The following LRRC37A2 variants were observed in gnomAD, a reference collection of about 807,000 sequenced individuals.
LRRC37A2 encodes leucine rich repeat containing 37 member A2.
In LRRC37A2, 9 loss-of-function variants were observed where a neutral mutation model predicts 68.8. The ratio of observed to expected loss-of-function variants is 0.13; its 90% CI spans 0.08 to 0.23. LRRC37A2 has a LOEUF of 0.23. Ranked by LOEUF, LRRC37A2 falls within the 10% of genes least tolerant of loss-of-function variation. LRRC37A2 has a pLI of 1.00. For synonymous variants in LRRC37A2, 63 were observed against 367.6 expected (o/e 0.17, Z 9.48); for missense variants, 168 against 950.4 (o/e 0.18, Z 10.82).
the LRRC37A2 span, among the ~76,000 whole-genome samples, chr17:47,003,235 T>C: frequency 0.51 from 64,084 of 126,688 alleles, 14,993 homozygotes; most frequent in East Asian, 0.73. Flanking sequence ...GCCTGGACAA[T>C]AGAGACTCAA....
the LRRC37A2 span, chr17:46,933,738 C>G: frequency 6.6e-6 from 1 of 151,176 alleles, no homozygotes; most frequent in Non-Finnish European, 1.5e-5. Flanking sequence ...TTTGGGAGAC[C>G]AAGGCAGTGG....
At chr17:46,834,517 G>C in the LRRC37A2 span, among the ~76,000 whole-genome samples, 1 of 152,182 alleles carries the variant, frequency 6.6e-6, no homozygotes, top group East Asian at 1.9e-4. Context: ...TCCTTGAGTG[G>C]AAAGCTCCTC....
intron 6 of LRRC37A2, among the ~76,000 whole-genome samples, chr17:46,532,887 C>G (rs1380870363): frequency 6.7e-6 from 1 of 148,462 alleles, no homozygotes; most frequent in African/African-American, 2.6e-5. Flanking sequence ...GATTGCTTGA[C>G]CCCAGGAGTT....
chr17:46,833,473 A>G, the LRRC37A2 span: 1 of 484,692 alleles, frequency 2.1e-6, no homozygotes, highest in South Asian at 1.5e-5. Flanking sequence ...CAGCCAACCC[A>G]CCCCGACTCC....
the LRRC37A2 span, chr17:46,922,962 C>A: frequency 1.7e-6 from 1 of 600,856 alleles, no homozygotes; most frequent in Non-Finnish European, 3.0e-6. Flanking sequence ...CACCGCCTTG[C>A]CCTTCACGTG....
At chr17:46,769,828 G>A in the LRRC37A2 span, 2 of 1,613,140 alleles carry the variant, frequency 1.2e-6, no homozygotes, top group South Asian at 1.1e-5. Context: ...CCGAGCGCGC[G>A]TCCGGCCTGT....
the LRRC37A2 span, among the ~76,000 whole-genome samples, chr17:46,907,378 A>G: frequency 6.6e-6 from 1 of 151,532 alleles, no homozygotes; most frequent in Non-Finnish European, 1.5e-5. Context: ...GGCAGTGAGT[A>G]CTCGGGGCAC....
At chr17:46,542,099 C>T in intron 8 of LRRC37A2, among the ~76,000 whole-genome samples, 1 of 139,682 alleles carries the variant, frequency 7.2e-6, no homozygotes, top group African/African-American at 3.0e-5. Context: ...GCACTCTAAC[C>T]TGGGCGACAG....
chr17:46,749,776 C>T, the LRRC37A2 span: 3 of 1,612,846 alleles, frequency 1.9e-6, no homozygotes, highest in Non-Finnish European at 2.5e-6. Context: ...TGATCAGGGC[C>T]GCAAGCTTCT....
chr17:47,024,140 C>T, the LRRC37A2 span, among the ~76,000 whole-genome samples: 8 of 152,242 alleles, frequency 5.3e-5, no homozygotes, highest in East Asian at 3.9e-4. Flanking sequence ...GAGGATCACT[C>T]GAGCCAGGAG....
the LRRC37A2 span, among the ~76,000 whole-genome samples, chr17:46,882,330 T>A: frequency 6.6e-6 from 1 of 152,222 alleles, no homozygotes; most frequent in African/African-American, 2.4e-5. Flanking sequence ...GCTGCATGTC[T>A]CGTGGAATAC....
At chr17:46,813,169 C>T in the LRRC37A2 span, among the ~76,000 whole-genome samples, 5 of 151,708 alleles carry the variant, frequency 3.3e-5, no homozygotes, top group African/African-American at 4.8e-5. Flanking sequence ...AATACAGGCC[C>T]GGAATGTGTG....
chr17:46,936,042 T>C, the LRRC37A2 span: 4 of 985,810 alleles, frequency 4.1e-6, no homozygotes, highest in Non-Finnish European at 4.8e-6. Flanking sequence ...TTCTGAACAG[T>C]CCCTGCCATC....
At chr17:46,828,789 T>G in the LRRC37A2 span, among the ~76,000 whole-genome samples, 1 of 148,556 alleles carries the variant, frequency 6.7e-6, no homozygotes, top group Non-Finnish European at 1.5e-5. Context: ...TGAAACCCTA[T>G]CTCTACAAAA....
At chr17:46,819,832 G>A in the LRRC37A2 span, among the ~76,000 whole-genome samples, 1 of 152,326 alleles carries the variant, frequency 6.6e-6, no homozygotes, top group Admixed American at 6.5e-5. This position sits in a 1 kb window ranked among gnomAD's most constrained non-coding sequence, Gnocchi z 5.3. Context: ...TTAGGTCTCA[G>A]CCCTGGGTGG....
the LRRC37A2 span, chr17:46,941,936 A>G: frequency 1.0e-6 from 1 of 985,210 alleles, no homozygotes; most frequent in Non-Finnish European, 1.2e-6. Context: ...TCCTAGACAG[A>G]AAGCTTCTGT....
chr17:46,921,782 G>A, the LRRC37A2 span, among the ~76,000 whole-genome samples: 1 of 152,164 alleles, frequency 6.6e-6, no homozygotes, highest in Non-Finnish European at 1.5e-5. Context: ...ACCACAATGA[G>A]ATACCATCTC....
the LRRC37A2 span, chr17:46,704,698 T>C: frequency 6.3e-7 from 1 of 1,574,890 alleles, no homozygotes; most frequent in Non-Finnish European, 8.6e-7. Flanking sequence ...TTAAACTGAA[T>C]ATATTCTTAA....
chr17:46,995,784 G>A, the LRRC37A2 span, among the ~76,000 whole-genome samples: 1 of 152,160 alleles, frequency 6.6e-6, no homozygotes, highest in Non-Finnish European at 1.5e-5. Context: ...GATATTTGAG[G>A]GTTTTCATTC....
Sources: gnomAD v4.1 joint callset for allele counts (sites outside exome capture counted in the v4.1 genomes callset) on GRCh38, gnomAD v4.1.1 for gene constraint, Gnocchi (gnomAD v3.1) non-coding constraint, MANE v1.5 for transcripts, NCBI Gene and HGNC (gene_info 2026-07-23, HGNC 2026-07-21) for gene names.